ROBO1: variants seen among roughly 807,000 people sequenced by gnomAD.
ROBO1 encodes roundabout guidance receptor 1.
A neutral mutation model predicts 195.9 loss-of-function variants in ROBO1; 149 were observed. That is an observed-to-expected ratio of 0.76 (90% CI 0.67 to 0.87). The LOEUF (loss-of-function observed/expected upper bound fraction) is 0.87. ROBO1 is among the 40% of genes least tolerant of loss of function. The pLI is 0.00. For synonymous variants in ROBO1, 816 were observed against 733.2 expected, an observed-to-expected ratio of 1.11 and a Z score of -1.82; for missense variants, 1,933 against 2,068.3, an observed-to-expected ratio of 0.93 and a Z score of 1.27.
At chr3:79,285,902 GA>G (rs1013235843) in intron 2 of ROBO1, among the ~76,000 whole-genome samples, 2 of 151,740 alleles carry the variant, frequency 1.3e-5, no homozygotes, top group African/African-American at 2.4e-5. Flanking sequence ...AAGAAGCAAT[GA>G]AAAAAAGACA....
intron 2 of ROBO1, among the ~76,000 whole-genome samples, chr3:79,571,148 T>C (rs1046889982): frequency 1.3e-5 from 2 of 152,146 alleles, no homozygotes; most frequent in Non-Finnish European, 2.9e-5. Context: ...ATCATCAGCA[T>C]GTACAGCCAT....
chr3:78,839,243 T>A (rs553377653), intron 4 of ROBO1, among the ~76,000 whole-genome samples: 18 of 152,200 alleles, frequency 1.2e-4, no homozygotes, highest in African/African-American at 3.4e-4. Flanking sequence ...GTTATTTTTT[T>A]AAAAATTATT....
chr3:78,948,788 A>T (rs1337819320), intron 3 of ROBO1, among the ~76,000 whole-genome samples: 1 of 150,872 alleles, frequency 6.6e-6, no homozygotes, highest in Non-Finnish European at 1.5e-5. Flanking sequence ...CCAAAATCTC[A>T]AGCTGATAAG....
chr3:79,639,285 G>A (rs1379134823), intron 1 of ROBO1, among the ~76,000 whole-genome samples: 2 of 152,084 alleles, frequency 1.3e-5, no homozygotes, highest in African/African-American at 4.8e-5. Flanking sequence ...TTTCATATGA[G>A]ACATGCATTT....
intron 3 of ROBO1, among the ~76,000 whole-genome samples, chr3:78,943,089 G>A (rs961645629): frequency 2.0e-5 from 3 of 151,866 alleles, no homozygotes; most frequent in South Asian, 2.1e-4. Flanking sequence ...GGTGGCAGGC[G>A]CCTGTAGTCC....
chr3:79,662,504 T>C (rs1946358517), intron 1 of ROBO1, among the ~76,000 whole-genome samples: 1 of 152,094 alleles, frequency 6.6e-6, no homozygotes, highest in South Asian at 2.1e-4. Flanking sequence ...ACTTTAGTTG[T>C]AGTTTAATTA....
rs76396695 is a variant in ROBO1 at position 78,868,911 on chromosome 3, G to C, written c.499+69690C>G. Among the ~76,000 whole-genome samples the C allele has an allele frequency of 3.3e-4, 50 of 152,180 alleles. No homozygotes were observed. In the East Asian group the frequency reaches 9.3e-3, roughly 28 times the overall value. ...TTTTAAAGAAGTGTAGATAGAACAA[G>C]AACAACTTATGTCTGTATTATAAAC... On this transcript the variant is annotated intron_variant, in intron 4 of 30. Transcript: ENST00000464233.
intron 2 of ROBO1, among the ~76,000 whole-genome samples, chr3:79,296,249 A>C (rs1047117750): frequency 6.6e-6 from 1 of 152,232 alleles, no homozygotes; most frequent in African/African-American, 2.4e-5. Context: ...TATTACCTTA[A>C]GAGTTAAAAT....
At chr3:79,157,740 T>C (rs1284648682) in intron 2 of ROBO1, among the ~76,000 whole-genome samples, 2 of 151,904 alleles carry the variant, frequency 1.3e-5, no homozygotes, top group African/African-American at 2.4e-5. Flanking sequence ...ATTTTAAAAT[T>C]CAAACATTAT....
At chr3:78,639,934 T>C (rs1205719756) in intron 21 of ROBO1, 36 bp from the exon 22 acceptor site, 3 of 1,454,002 alleles carry the variant, frequency 2.1e-6, no homozygotes, top group African/African-American at 1.4e-5. Flanking sequence ...AAATGTTATA[T>C]GAATAGAGAG....
chr3:79,261,117 T>TTCA (rs1177273207), intron 2 of ROBO1, among the ~76,000 whole-genome samples: 1 of 152,078 alleles, frequency 6.6e-6, no homozygotes, highest in Non-Finnish European at 1.5e-5. Flanking sequence ...ACTGATCTGT[T>TTCA]TCACTTACAG....
intron 2 of ROBO1, among the ~76,000 whole-genome samples, chr3:79,262,819 C>T (rs1432704612): frequency 6.6e-6 from 1 of 151,912 alleles, no homozygotes; most frequent in Non-Finnish European, 1.5e-5. Flanking sequence ...TTGGGAATTC[C>T]ATAGTGTGCT....
intron 8 of ROBO1, 30 bp downstream of exon 8, chr3:78,714,367 C>T (rs776931727): frequency 6.3e-7 from 1 of 1,598,130 alleles, no homozygotes; most frequent in African/African-American, 1.4e-5. Flanking sequence ...ATGCTAAAAC[C>T]ACCAAAACAA....
chr3:78,653,537 C>T (rs1473783494), intron 18 of ROBO1, among the ~76,000 whole-genome samples: 2 of 152,224 alleles, frequency 1.3e-5, no homozygotes, highest in Non-Finnish European at 2.9e-5. Flanking sequence ...TTCCCACCTG[C>T]TGGTTGAGCA....
At chr3:79,261,426 G>T (rs918544394) in intron 2 of ROBO1, among the ~76,000 whole-genome samples, 3 of 151,914 alleles carry the variant, frequency 2.0e-5, no homozygotes, top group African/African-American at 7.3e-5. Flanking sequence ...TGTGAGTATA[G>T]AAATGAAAAA....
intron 1 of ROBO1, among the ~76,000 whole-genome samples, chr3:79,696,104 T>C (rs1382572447): frequency 6.6e-6 from 1 of 151,392 alleles, no homozygotes; most frequent in East Asian, 1.9e-4. Flanking sequence ...CGTGAGTATA[T>C]TTATGTTTGT....
chr3:79,749,495 A>G (rs1018619783), intron 1 of ROBO1, among the ~76,000 whole-genome samples: 4 of 152,224 alleles, frequency 2.6e-5, no homozygotes, highest in Non-Finnish European at 5.9e-5. Flanking sequence ...AAATGCCTCC[A>G]GGGCATGTCA....
intron 2 of ROBO1, among the ~76,000 whole-genome samples, chr3:79,577,717 A>AACACACACACAC (rs58998352): frequency 5.3e-4 from 74 of 140,714 alleles, no homozygotes; most frequent in African/African-American, 1.8e-3. Flanking sequence ...CTTTACTAAA[A>AACACACACACAC]ACACACACAC....
chr3:78,880,253 T>C (rs2036103321), intron 4 of ROBO1, among the ~76,000 whole-genome samples: 1 of 152,174 alleles, frequency 6.6e-6, no homozygotes, highest in Non-Finnish European at 1.5e-5. Context: ...TCCTACCAGT[T>C]AGGATCAGAA....
Sources: allele counts gnomAD v4.1 joint callset (sites outside exome capture counted in the v4.1 genomes callset), GRCh38; gene constraint gnomAD v4.1.1; transcripts MANE v1.5; gene names NCBI Gene and HGNC (gene_info 2026-07-23, HGNC 2026-07-21).